The following ZNF536 variants were observed in gnomAD, a reference collection of about 807,000 sequenced individuals.
The protein encoded by ZNF536 is zinc finger protein 536.
A neutral mutation model predicts 84.5 loss-of-function variants in ZNF536; 13 were observed. That is an observed-to-expected ratio of 0.15 (90% CI 0.10 to 0.24). The LOEUF (loss-of-function observed/expected upper bound fraction) is 0.24. Ranked by LOEUF, ZNF536 falls within the 10% of genes least tolerant of loss-of-function variation. The pLI, the probability that ZNF536 is intolerant of heterozygous loss-of-function variation, is 1.00. For synonymous variants in ZNF536, 811 were observed against 742.5 expected (o/e 1.09, Z -1.50); for missense variants, 1,536 against 1,747.5 (o/e 0.88, Z 2.16).
chr19:30,391,583 C>G (rs2049592253), intron 1 of ZNF536, among the ~76,000 whole-genome samples: 1 of 151,826 alleles, frequency 6.6e-6, no homozygotes, highest in South Asian at 2.1e-4. Flanking sequence ...TCTCAAAAAA[C>G]AAACAAACAA....
intron 3 of ZNF536, among the ~76,000 whole-genome samples, chr19:30,535,654 G>T (rs982093684): frequency 3.3e-5 from 5 of 152,000 alleles, no homozygotes; most frequent in Non-Finnish European, 5.9e-5. Flanking sequence ...GCTGGCAACA[G>T]GGAGTTCTGT....
intron 2 of ZNF536, among the ~76,000 whole-genome samples, chr19:30,510,261 C>T (rs994023926): frequency 6.6e-6 from 1 of 152,110 alleles, no homozygotes; most frequent in African/African-American, 2.4e-5. Context: ...TGCACTGTGC[C>T]ATAAATATAC....
intron 1 of ZNF536, among the ~76,000 whole-genome samples, chr19:30,621,843 G>T (rs998623524): frequency 3.9e-5 from 6 of 152,164 alleles, no homozygotes; most frequent in African/African-American, 1.4e-4. Flanking sequence ...TGTGCTTCTA[G>T]GTCTTTCTCT....
intron 1 of ZNF536, among the ~76,000 whole-genome samples, chr19:30,625,753 G>A (rs2048651952): frequency 6.6e-6 from 1 of 152,206 alleles, no homozygotes; most frequent in Non-Finnish European, 1.5e-5. Context: ...CTGCTTCCAT[G>A]TTCTGGCTCC....
chr19:30,530,331 T>TTGTTGTTGTTGTTG lies in ZNF536; in HGVS notation c.2171-4515_2171-4514insGTTGTTGTTGTTGT, dbSNP rs774099039. Among the ~76,000 whole-genome samples the TTGTTGTTGTTGTTG allele has an allele frequency of 1.2e-3, 183 of 151,422 alleles. 1 individual carries two copies. Among genetic ancestry groups the TTGTTGTTGTTGTTG allele is most frequent in the Admixed American group, 2.0e-3 (30 of 15,234 alleles). On this transcript the variant is annotated intron_variant, in intron 2 of 4. Transcript: ENST00000355537. ...TTTGTAATACCTCTCTCTCTGTCTT[T>TTGTTGTTGTTGTTG]TTGTTGTTGTTGTTGTTGTTGTTGT...
At chr19:30,275,323 G>C (rs2026067541) in intron 1 of ZNF536, among the ~76,000 whole-genome samples, 1 of 152,232 alleles carries the variant, frequency 6.6e-6, no homozygotes. Context: ...TACAGGGTAA[G>C]TTCTCCTTCC....
At position 30,599,640 on chromosome 19, in the gene ZNF536, C is replaced by T. The variant is rs188932384; in HGVS notation, c.169+50126C>T. Among the ~76,000 whole-genome samples, 11 of 152,080 alleles carry T rather than the reference C, an allele frequency of 7.2e-5. No homozygotes were observed. The East Asian group carries it at 1.6e-3, about 22-fold the overall frequency. ...AGCTCAGACTTGTGTCACTGGCCTC[C>T]CTTTACAAGACAAGGCAGAGACTGC... On this transcript the variant is annotated intron_variant, in intron 1 of 1. Transcript: ENST00000592773.
chr19:30,657,241 G>A (rs1434011452), intron 1 of ZNF536, among the ~76,000 whole-genome samples: 1 of 152,188 alleles, frequency 6.6e-6, no homozygotes. Flanking sequence ...GTTTAAGCTG[G>A]AACGTGATGT....
intron 2 of ZNF536, among the ~76,000 whole-genome samples, chr19:30,347,899 C>T (rs2047800716): frequency 6.6e-6 from 1 of 152,218 alleles, no homozygotes; most frequent in African/African-American, 2.4e-5. Flanking sequence ...GACCAAACCC[C>T]TAAACAGCAA....
chr19:30,581,342 T>C (rs2046913272), intron 1 of ZNF536, among the ~76,000 whole-genome samples: 1 of 151,878 alleles, frequency 6.6e-6, no homozygotes, highest in African/African-American at 2.4e-5. Context: ...CTGGGCATGG[T>C]GGTGGGCGCC....
In ZNF536 at chr19:30,432,478, T is replaced by C. The variant is rs375537089; in HGVS notation, c.-2-11083T>C. On this transcript the variant is annotated intron_variant, in intron 1 of 4. Transcript: ENST00000355537. ...GAGCACGTGAAGCCAGGATGTAGCATGGAGGATGGAGTTGGGCTCACAGCT... is the reference window on the plus strand; with the variant it reads ...GAGCACGTGAAGCCAGGATGTAGCACGGAGGATGGAGTTGGGCTCACAGCT... Among the ~76,000 whole-genome samples the C allele has an allele frequency of 1.9e-3, 289 of 152,150 alleles. 4 individuals are homozygous for C. The highest frequency in any genetic ancestry group is 6.5e-3 in the African/African-American group (271 of 41,522).
chr19:30,300,917 C>G (rs560748163), intron 2 of ZNF536, among the ~76,000 whole-genome samples: 1 of 152,346 alleles, frequency 6.6e-6, no homozygotes, highest in East Asian at 1.9e-4. Context: ...GCTCCATGAC[C>G]TTGGTCAAAT....
chr19:30,394,582 C>G (rs1324667127), intron 1 of ZNF536, among the ~76,000 whole-genome samples: 1 of 152,166 alleles, frequency 6.6e-6, no homozygotes, highest in Non-Finnish European at 1.5e-5. Context: ...CACCACCATG[C>G]CCTCCACACT....
chr19:30,396,501 T>C (rs2049822109), intron 1 of ZNF536, among the ~76,000 whole-genome samples: 1 of 152,064 alleles, frequency 6.6e-6, no homozygotes, highest in South Asian at 2.1e-4. Flanking sequence ...AGTGTAGCAG[T>C]TTCAGGGAAG....
intron 1 of ZNF536, among the ~76,000 whole-genome samples, chr19:30,375,897 T>C (rs2048800634): frequency 6.6e-6 from 1 of 152,112 alleles, no homozygotes; most frequent in South Asian, 2.1e-4. Context: ...GTGTTAGGGA[T>C]ACGTGTAGAT....
chr19:30,698,283 C>A (rs1600304529), intron 1 of ZNF536, among the ~76,000 whole-genome samples: 1 of 149,372 alleles, frequency 6.7e-6, no homozygotes, highest in African/African-American at 2.5e-5. Flanking sequence ...CAGAGCAAGA[C>A]TCAGTCTCAA....
At chr19:30,573,159 T>C (rs953413083) in intron 1 of ZNF536, among the ~76,000 whole-genome samples, 1 of 152,182 alleles carries the variant, frequency 6.6e-6, no homozygotes, top group Non-Finnish European at 1.5e-5. Flanking sequence ...GAACAGGATT[T>C]CCAAGGTTTT....
intron 2 of ZNF536, among the ~76,000 whole-genome samples, chr19:30,335,842 C>T (rs1010003752): frequency 4.6e-5 from 7 of 152,170 alleles, no homozygotes; most frequent in African/African-American, 1.4e-4. Context: ...CAGCTCAATA[C>T]TGGGCTGTCC....
intron 2 of ZNF536, among the ~76,000 whole-genome samples, chr19:30,325,394 C>T (rs930432594): frequency 4.6e-5 from 7 of 152,212 alleles, no homozygotes; most frequent in African/African-American, 7.2e-5. Context: ...AGTCAGCAGG[C>T]CATCATCAAG....
Sources: gnomAD v4.1 joint callset for allele counts (sites outside exome capture counted in the v4.1 genomes callset) on GRCh38, gnomAD v4.1.1 for gene constraint, MANE v1.5 for transcripts, NCBI Gene and HGNC (gene_info 2026-07-23, HGNC 2026-07-21) for gene names.